ST3GAL6: variants seen among roughly 807,000 people sequenced by gnomAD.
ST3GAL6 encodes type 2 lactosamine alpha-2,3-sialyltransferase.
In ST3GAL6, 31 loss-of-function variants were observed where a neutral mutation model predicts 40.5. The ratio of observed to expected loss-of-function variants is 0.77; its 90% CI spans 0.58 to 1.03. The LOEUF (loss-of-function observed/expected upper bound fraction) is 1.03. Among genes scored for constraint, ST3GAL6 ranks in the 50% least tolerant of loss-of-function variants. The pLI, the probability that ST3GAL6 is intolerant of heterozygous loss-of-function variation, is 0.00. For synonymous variants in ST3GAL6, 129 were observed against 136.9 expected (o/e 0.94, Z 0.40); for missense variants, 357 against 393.2 (o/e 0.91, Z 0.78).
At chr3:98,788,536 C>T in intron 8 of ST3GAL6, 73 bp downstream of exon 8, 1 of 1,402,020 alleles carries the variant, frequency 7.1e-7, no homozygotes. Context: ...TGGGAACTCT[C>T]AGAAACTGTA....
intron 5 of ST3GAL6, chr3:98,782,528 C>T (rs531545098): frequency 8.6e-6 from 5 of 578,084 alleles, no homozygotes; most frequent in Admixed American, 3.0e-5. Flanking sequence ...AGGTCCTGCA[C>T]GTAGGAAGTG....
At chr3:98,756,579 A>G in intron 1 of ST3GAL6, 5 of 1,202,472 alleles carry the variant, frequency 4.2e-6, no homozygotes, top group Non-Finnish European at 3.2e-6. Context: ...CAAATTGCTT[A>G]AATGTAAACT....
At position 98,784,931 on chromosome 3, in the gene ST3GAL6, C is replaced by T. The variant is rs1280214663; in HGVS notation, c.336-14C>T. ...AAGATGGCTCAATCTCTCACTTGTCCATCTGTCCAACAGCATACCCTGTAA... is the reference window on the plus strand; with the variant it reads ...AAGATGGCTCAATCTCTCACTTGTCTATCTGTCCAACAGCATACCCTGTAA... On this transcript the variant is annotated splice_polypyrimidine_tract_variant and intron_variant, in intron 5 of 9. Transcript: ENST00000483910. 9.5e-6 allele frequency: 15 copies of T among 1,585,082 alleles called. No individual in the cohort carries two copies. Among genetic ancestry groups the T allele is most frequent in the East Asian group, 4.6e-5 (2 of 43,422 alleles).
intron 1 of ST3GAL6, among the ~76,000 whole-genome samples, chr3:98,749,975 G>C (rs557454844): frequency 2.6e-5 from 4 of 152,272 alleles, no homozygotes; most frequent in Middle Eastern, 3.4e-3. Context: ...AAATTCCAGG[G>C]CTAGGAATAT....
intron 9 of ST3GAL6, among the ~76,000 whole-genome samples, chr3:98,793,443 TCTTA>T (rs1461493329): frequency 6.6e-6 from 1 of 152,078 alleles, no homozygotes; most frequent in Non-Finnish European, 1.5e-5. Context: ...TATGAAGGAG[TCTTA>T]CTTATGTGAG....
chr3:98,792,992 T>A (rs1015835291), intron 9 of ST3GAL6, among the ~76,000 whole-genome samples: 1 of 152,188 alleles, frequency 6.6e-6, no homozygotes, highest in Non-Finnish European at 1.5e-5. Flanking sequence ...TCCCCTTGAA[T>A]CACCCCACTA....
chr3:98,772,658 T>G (rs1183536048), intron 3 of ST3GAL6, among the ~76,000 whole-genome samples, 155 bp from the exon 4 acceptor site: 2 of 152,174 alleles, frequency 1.3e-5, no homozygotes, highest in East Asian at 3.8e-4. Context: ...CAGCACGGTT[T>G]AAAGTTATTT....
intron 5 of ST3GAL6, among the ~76,000 whole-genome samples, chr3:98,777,202 A>G (rs1459418188): frequency 6.6e-6 from 1 of 152,218 alleles, no homozygotes; most frequent in Non-Finnish European, 1.5e-5. Context: ...TCTTAAGGGC[A>G]TCTCCCAGAA....
intron 6 of ST3GAL6, among the ~76,000 whole-genome samples, chr3:98,786,456 G>A (rs572724442): frequency 1.3e-5 from 2 of 152,144 alleles, no homozygotes; most frequent in African/African-American, 2.4e-5. Flanking sequence ...AGGACAGAGT[G>A]GTGACCATTG....
rs549655421 is a variant in ST3GAL6 at position 98,777,115 on chromosome 3, G to A, written c.335+3132G>A. On this transcript the variant is annotated intron_variant, in intron 5 of 9. Transcript: ENST00000483910. ...CTGGTATGATGGCTGGAGTTCCACC[G>A]ATCACGCCTACCTCCCTGCCAGCCA... is the stretch of plus-strand genomic sequence containing the variant. Among the ~76,000 whole-genome samples, 6 of 152,244 alleles carry A rather than the reference G, an allele frequency of 3.9e-5. No homozygotes were observed. In the South Asian group the frequency reaches 8.3e-4, roughly 21 times the overall value.
chr3:98,793,842 C>A lies in ST3GAL6; in HGVS notation c.*81C>A, dbSNP rs146472839. 2.6e-4 allele frequency: 212 copies of A among 810,842 alleles called. No individual in the cohort carries two copies. In the Middle Eastern group the frequency reaches 4.1e-3, roughly 16 times the overall value. 50.2% of individuals were successfully genotyped at this position (810,842 alleles called of 1,614,324 possible). A position where few individuals can be genotyped will look rare whatever the true frequency, so the allele number is the denominator to read the frequency against. ...TTTTTAGTTTAAAATATGTTGGATG[C>A]ACTCGTCAAATAATTATGTATACTG... is the stretch of plus-strand genomic sequence containing the variant. On this transcript the variant is annotated 3_prime_UTR_variant, in exon 10 of 10. Coordinates refer to ENST00000483910, the MANE Select transcript of ST3GAL6 (RefSeq NM_001323368.2).
At chr3:98,783,080 G>A (rs532795429) in intron 5 of ST3GAL6, 8 of 173,298 alleles carry the variant, frequency 4.6e-5, no homozygotes, top group South Asian at 1.8e-4. Flanking sequence ...ACACTCACCC[G>A]AAAGAGAAGG....
At position 98,784,970 on chromosome 3, in the gene ST3GAL6, G is replaced by A; in HGVS notation, c.361G>A (p.Val121Ile). Residue 121 changes from valine to isoleucine, a missense_variant, in exon 6 of 10, where the codon GTT becomes ATT. Physicochemically the swap from Val to Ile is conservative, Grantham distance 29. Transcript: ENST00000483910. ...CATACCCTGTAAAAAGTGTGTGGTG[G>A]TTGGTAATGGAGGAGTTTTGAAGAA... is the stretch of plus-strand genomic sequence containing the variant. ...DNIPCKKCVV[V>I]GNGGVLKNKT... 1 of 1,591,062 alleles carries A rather than the reference G, an allele frequency of 6.3e-7. No individual in the cohort carries two copies. Among genetic ancestry groups the A allele is most frequent in the East Asian group, 2.3e-5 (1 of 43,154 alleles).
At chr3:98,771,826 T>C (rs1939030110) in intron 3 of ST3GAL6, among the ~76,000 whole-genome samples, 1 of 152,190 alleles carries the variant, frequency 6.6e-6, no homozygotes, top group African/African-American at 2.4e-5. Context: ...AAAACTGGAA[T>C]AGTGTTTTAA....
upstream of ST3GAL6, among the ~76,000 whole-genome samples, chr3:98,759,943 C>G (rs1029856122): frequency 6.6e-6 from 1 of 152,042 alleles, no homozygotes; most frequent in African/African-American, 2.4e-5. Context: ...GAAAATAATA[C>G]AGGAAAGACA....
At chr3:98,766,275 G>T (rs184329589) in intron 1 of ST3GAL6, among the ~76,000 whole-genome samples, 94 of 152,170 alleles carry the variant, frequency 6.2e-4, no homozygotes, top group Non-Finnish European at 7.5e-4. Flanking sequence ...AGAATACATA[G>T]GAATTTTGAC....
chr3:98,774,556 A>G (rs1009220922), intron 5 of ST3GAL6, among the ~76,000 whole-genome samples: 6 of 152,234 alleles, frequency 3.9e-5, no homozygotes, highest in Non-Finnish European at 8.8e-5. Flanking sequence ...AGACTTCTTC[A>G]CTGTTGGGCT....
chr3:98,743,428 C>T (rs1444492454), intron 1 of ST3GAL6, among the ~76,000 whole-genome samples: 2 of 152,034 alleles, frequency 1.3e-5, no homozygotes, highest in African/African-American at 2.4e-5. Flanking sequence ...TGTCTGAACC[C>T]GCAGGGCTGA....
At chr3:98,750,050 C>G (rs369466503) in intron 1 of ST3GAL6, among the ~76,000 whole-genome samples, 1 of 152,120 alleles carries the variant, frequency 6.6e-6, no homozygotes, top group Non-Finnish European at 1.5e-5. Context: ...TTCCCTGCCC[C>G]GTTCAGAGAC....
Sources: gnomAD v4.1 joint callset for allele counts (sites outside exome capture counted in the v4.1 genomes callset) on GRCh38, gnomAD v4.1.1 for gene constraint, MANE v1.5 for transcripts, NCBI Gene and HGNC (gene_info 2026-07-23, HGNC 2026-07-21) for gene names.